Variants in RERGL observed in about 807,000 individuals in gnomAD.
RERGL encodes RERG like, also known as ras-related and estrogen-regulated growth inhibitor-like protein.
In RERGL, 22 loss-of-function variants were observed where a neutral mutation model predicts 24.7. The ratio of observed to expected loss-of-function variants is 0.89; its 90% CI spans 0.64 to 1.27. RERGL has a LOEUF of 1.27. Among genes scored for constraint, RERGL ranks in the 50% most tolerant of loss-of-function variants. The probability of loss-of-function intolerance (pLI) is 0.00; values close to 1 mark genes in which losing one functional copy is unlikely to be tolerated. For synonymous variants in RERGL, 76 were observed against 82.6 expected (o/e 0.92, Z 0.43); for missense variants, 259 against 235.3 (o/e 1.10, Z -0.66).
Position 18,081,427 on chromosome 12 carries a change from A to G in RERGL, c.379T>C (p.Cys127Arg). The change falls in exon 5 of 5, where the codon TGT becomes CGT. Residue 127 changes from cysteine (C) to arginine (R), a missense_variant. Coordinates refer to ENST00000538724, the MANE Select transcript of RERGL (RefSeq NM_001286201.2). The part of the protein sequence containing the change: ...VFLVGNKRDL[C>R]HVREVGWEEG... Reference sequence around the variant, plus strand: ...TCCCAGCCAACCTCTCGCACATGACAAAGATCTCGTTTGTTGCCAACCAAA... The same window carrying G: ...TCCCAGCCAACCTCTCGCACATGACGAAGATCTCGTTTGTTGCCAACCAAA... 1 of 1,613,870 alleles carries G rather than the reference A, an allele frequency of 6.2e-7. No homozygotes were observed. Among genetic ancestry groups the G allele is most frequent in the Non-Finnish European group, 8.5e-7 (1 of 1,179,864 alleles).
Position 18,081,342 on chromosome 12 carries a change from T to TCTGCTGCA in RERGL, c.456_463dup (p.Glu155ValfsTer11). 6.2e-7 allele frequency: 1 copy of TCTGCTGCA among 1,614,164 alleles called. No homozygotes were observed. The highest frequency in any genetic ancestry group is 1.1e-5 in the South Asian group (1 of 91,076). Reference sequence around the variant, plus strand: ...CATCATTTCCACCTCCAGAGACTGCTCTGCTGCAGACAGTTCACAGAATTG... The same window carrying TCTGCTGCA: ...CATCATTTCCACCTCCAGAGACTGCTCTGCTGCACTGCTGCAGACAGTTCACAGAATTG... On this transcript the variant is annotated frameshift_variant, in exon 5 of 5. Transcript: ENST00000538724. LOFTEE classifies it high-confidence loss of function.
At chr12:18,089,429 A>T in intron 1 of RERGL, 1 of 1,275,970 alleles carries the variant, frequency 7.8e-7, no homozygotes, top group African/African-American at 1.5e-5. Flanking sequence ...GTATCCATTC[A>T]TCATGTCACA....
intron 3 of RERGL, 54 bp downstream of exon 3, chr12:18,085,566 C>A: frequency 1.6e-6 from 2 of 1,229,380 alleles, no homozygotes; most frequent in Non-Finnish European, 2.3e-6. Context: ...ATCATAATTG[C>A]TAAAAAATCA....
rs187486934 is a variant in RERGL at position 18,088,841 on chromosome 12, T to A, written c.109+59A>T. ...ATCAAAATGCATCTCTGTACTTAAGTGGGATTTAATTACGATGTTAAAAGT... is the reference window on the plus strand; with the variant it reads ...ATCAAAATGCATCTCTGTACTTAAGAGGGATTTAATTACGATGTTAAAAGT... On this transcript the variant is annotated intron_variant, in intron 2 of 4. Transcript: ENST00000538724. 26 of 1,032,618 alleles carry A rather than the reference T, an allele frequency of 2.5e-5. No homozygotes were observed. In the Admixed American group the frequency reaches 4.0e-4, roughly 16 times the overall value. The allele number at this position is 1,032,618 out of a possible 1,614,324, so 64.0% of individuals were successfully genotyped here. A position where few individuals can be genotyped will look rare whatever the true frequency, so the allele number is the denominator to read the frequency against.
chr12:18,089,413 C>A, intron 1 of RERGL: 2 of 1,326,916 alleles, frequency 1.5e-6, no homozygotes, highest in Non-Finnish European at 9.6e-7. Flanking sequence ...AGAAAAAGAA[C>A]CTCTGGTATC....
chr12:18,090,081 C>A lies in RERGL; in HGVS notation c.52+8G>T. On this transcript the variant is annotated splice_region_variant and intron_variant, in intron 1 of 4. Transcript: ENST00000538724. The stretch of plus-strand genomic sequence containing the variant: ...CTCTATGATAACAGAGAAGATGTCA[C>A]CACTCACCAGATTTGCCTGTTCCTT... The A allele has an allele frequency of 6.5e-7, 1 of 1,531,112 alleles. No individual in the cohort carries two copies. Among genetic ancestry groups the A allele is most frequent in the Non-Finnish European group, 8.7e-7 (1 of 1,144,432 alleles). 94.8% of individuals were successfully genotyped at this position (1,531,112 alleles called of 1,614,324 possible).
chr12:18,082,040 T>G (rs1468157234), intron 4 of RERGL, among the ~76,000 whole-genome samples: 1 of 151,314 alleles, frequency 6.6e-6, no homozygotes, highest in Non-Finnish European at 1.5e-5. Flanking sequence ...CTCAGGAGGC[T>G]GAGGCAGGAG....
At position 18,090,105 on chromosome 12, in the gene RERGL, T is replaced by C. The variant is rs1656271704; in HGVS notation, c.36A>G (p.Glu12=). 6.5e-7 allele frequency: 1 copy of C among 1,533,510 alleles called. No homozygotes were observed. The highest frequency in any genetic ancestry group is 1.2e-5 in the South Asian group (1 of 83,758). The allele number at this position is 1,533,510 out of a possible 1,614,324, so 95.0% of individuals were successfully genotyped here. A position where few individuals can be genotyped will look rare whatever the true frequency, so the allele number is the denominator to read the frequency against. The change falls in exon 1 of 5, where the codon GAA becomes GAG. Residue 12 remains glutamate, a synonymous_variant. Coordinates refer to ENST00000538724, the MANE Select transcript of RERGL (RefSeq NM_001286201.2). The stretch of plus-strand genomic sequence containing the variant: ...ACCACTCACCAGATTTGCCTGTTCC[T>C]TCACCACCCAAGACAGCAAGCTTCA... ...NDVKLAVLGG[E]GTGKSALTVR... is the part of the protein sequence containing the mutation.
intron 3 of RERGL, among the ~76,000 whole-genome samples, chr12:18,084,882 T>C (rs1947205538): frequency 6.6e-6 from 1 of 152,216 alleles, no homozygotes; most frequent in Non-Finnish European, 1.5e-5. Context: ...GTTATATCTA[T>C]CTAATTTTAT....
intron 4 of RERGL, among the ~76,000 whole-genome samples, chr12:18,082,381 G>A (rs550125579): frequency 6.6e-6 from 1 of 151,988 alleles, no homozygotes; most frequent in Non-Finnish European, 1.5e-5. Flanking sequence ...TTAACTAACG[G>A]GTTCTAGGCT....
intron 3 of RERGL, 51 bp from the exon 4 acceptor site, chr12:18,084,716 T>G: frequency 1.3e-6 from 2 of 1,532,938 alleles, no homozygotes; most frequent in Non-Finnish European, 1.8e-6. Context: ...TACCTGTGTT[T>G]TTATACTTTA....
In RERGL at chr12:18,090,067, CAG is replaced by C; in HGVS notation, c.52+20_52+21del. On this transcript the variant is annotated intron_variant, in intron 1 of 4. Transcript: ENST00000538724. ...TCACTCTTTCTACACTCTATGATAA[CAG>C]AGAAGATGTCACCACTCACCAGATT... 2 of 1,521,646 alleles carry C rather than the reference CAG, an allele frequency of 1.3e-6. No individual in the cohort carries two copies. Among genetic ancestry groups the C allele is most frequent in the Non-Finnish European group, 1.8e-6 (2 of 1,137,698 alleles). The allele number at this position is 1,521,646 out of a possible 1,614,324, so 94.3% of individuals were successfully genotyped here. A position where few individuals can be genotyped will look rare whatever the true frequency, so the allele number is the denominator to read the frequency against.
chr12:18,085,653 T>C lies in RERGL; in HGVS notation c.150A>G (p.Gln50=). 1 of 1,599,412 alleles carries C rather than the reference T, an allele frequency of 6.3e-7. No homozygotes were observed. Among genetic ancestry groups the C allele is most frequent in the Non-Finnish European group, 8.5e-7 (1 of 1,169,824 alleles). ...AAGGGTCATATATTTCTAGATTTAGTTGTTTCCTTTCCAAACACAAGTGCT... is the reference window on the plus strand; with the variant it reads ...AAGGGTCATATATTTCTAGATTTAGCTGTTTCCTTTCCAAACACAAGTGCT... The part of the protein sequence containing the change: ...YKKHLCLERK[Q]LNLEIYDPCS... Residue 50 remains glutamine, a synonymous_variant, in exon 3 of 5, where the codon CAA becomes CAG. Transcript: ENST00000538724.
In RERGL at chr12:18,081,444, C is replaced by T; in HGVS notation, c.362G>A (p.Gly121Asp). 6.2e-7 allele frequency: 1 copy of T among 1,611,548 alleles called. No homozygotes were observed. The highest frequency in any genetic ancestry group is 8.5e-7 in the Non-Finnish European group (1 of 1,178,726). Residue 121 changes from glycine (G) to aspartate (D), a missense_variant, in exon 5 of 5, where the codon GGC (glycine) becomes GAC (aspartate). Gly to Asp is a moderately conservative substitution (Grantham distance 94, BLOSUM62 -1). Coordinates refer to ENST00000538724, the MANE Select transcript of RERGL (RefSeq NM_001286201.2). ...RAVESAVFLV[G>D]NKRDLCHVRE... ...CACATGACAAAGATCTCGTTTGTTG[C>T]CAACCAAAAACACTGCTGATTCCAC...
At chr12:18,089,294 T>A (rs201393759) in intron 1 of RERGL, 342 of 1,597,770 alleles carry the variant, frequency 2.1e-4, no homozygotes, top group Non-Finnish European at 2.6e-4. Flanking sequence ...CTGTTTATTT[T>A]CTCTGTCAAA....
intron 3 of RERGL, 150 bp downstream of exon 3, chr12:18,085,470 A>C (rs1414331188): frequency 1.7e-6 from 1 of 594,010 alleles, no homozygotes; most frequent in African/African-American, 1.9e-5. Flanking sequence ...TAATCTCTTA[A>C]ATTTTTGATA....
intron 4 of RERGL, 121 bp from the exon 5 acceptor site, chr12:18,081,594 T>C (rs1947173925): frequency 3.4e-6 from 3 of 878,938 alleles, no homozygotes; most frequent in Non-Finnish European, 5.0e-6. Context: ...ATATTGTGTG[T>C]ATGTTACTTA....
chr12:18,088,936 T>C lies in RERGL; in HGVS notation c.73A>G (p.Thr25Ala), dbSNP rs1227143600. 6.2e-7 allele frequency: 1 copy of C among 1,610,506 alleles called. No individual in the cohort carries two copies. The highest frequency in any genetic ancestry group is 1.3e-5 in the African/African-American group (1 of 74,846). The change falls in exon 2 of 5, where the codon ACT becomes GCT. Residue 25 changes from threonine (T) to alanine (A), a missense_variant. Transcript: ENST00000538724. ...GKSALTVRFL[T>A]KRFIGEYASN... ...GCATATTCTCCAATGAATCGCTTAG[T>C]AAGAAACCTCACTGTAAGGGCTGCA...
At chr12:18,089,937 A>T (rs966766132) in intron 1 of RERGL, among the ~76,000 whole-genome samples, 152 bp downstream of exon 1, 4 of 152,110 alleles carry the variant, frequency 2.6e-5, no homozygotes, top group Admixed American at 1.3e-4. Flanking sequence ...CTAATGAAAG[A>T]TAATGTGCCT....
Sources: allele counts gnomAD v4.1 joint callset (sites outside exome capture counted in the v4.1 genomes callset), GRCh38; gene constraint gnomAD v4.1.1; transcripts MANE v1.5; gene names NCBI Gene and HGNC (gene_info 2026-07-23, HGNC 2026-07-21).